Variants in PTGR2 observed in about 807,000 individuals in gnomAD.
PTGR2 encodes the protein 15-oxoprostaglandin 13-reductase.
PTGR2 carries 32 observed loss-of-function variants against 43.4 expected under a neutral mutation model. That is an observed-to-expected ratio of 0.74 (90% CI 0.56 to 0.99). The LOEUF (loss-of-function observed/expected upper bound fraction) is 0.99, where lower values mean the gene tolerates loss of function less well. PTGR2 is among the 50% of genes least tolerant of loss of function. The pLI is 0.00. For synonymous variants in PTGR2, 106 were observed against 139.2 expected (o/e 0.76, Z 1.68); for missense variants, 373 against 420.0 (o/e 0.89, Z 0.98).
intron 4 of PTGR2, 52 bp from the exon 5 acceptor site, chr14:73,876,946 G>A (rs2054879420): frequency 7.1e-7 from 1 of 1,400,050 alleles, no homozygotes; most frequent in Non-Finnish European, 9.9e-7. Context: ...CTACTTTGTT[G>A]TCTCAAAACA....
chr14:73,874,279 A>T (rs1002045481), intron 4 of PTGR2, 65 bp downstream of exon 4: 1 of 1,250,334 alleles, frequency 8.0e-7, no homozygotes, highest in Non-Finnish European at 1.1e-6. Flanking sequence ...TGCATTTGAT[A>T]TTCAGTTGTG....
chr14:73,880,485 G>T (rs1880231764), intron 7 of PTGR2, among the ~76,000 whole-genome samples: 1 of 150,128 alleles, frequency 6.7e-6, no homozygotes, highest in African/African-American at 2.5e-5. Context: ...TGAGGCAGGA[G>T]AATCACTTGA....
At chr14:73,862,597 C>T (rs1180371163) in intron 3 of PTGR2, among the ~76,000 whole-genome samples, 2 of 152,152 alleles carry the variant, frequency 1.3e-5, no homozygotes, top group Non-Finnish European at 2.9e-5. Context: ...TATTGATCTG[C>T]TGTCTAGGTA....
chr14:73,881,772 C>CTTTTTTTTTT (rs57377878), intron 8 of PTGR2, among the ~76,000 whole-genome samples: 18 of 69,264 alleles, frequency 2.6e-4, no homozygotes, highest in African/African-American at 1.2e-3. Flanking sequence ...CTAGGCTATT[C>CTTTTTTTTTT]TTTTTTTTTT....
chr14:73,878,906 AT>A (rs1023350086), intron 5 of PTGR2, 189 bp from the exon 6 acceptor site: 600 of 552,682 alleles, frequency 1.1e-3, no homozygotes, highest in Middle Eastern at 2.4e-3. Context: ...AATTTTAATA[AT>A]TTTTTTTTAG....
At position 73,880,597 on chromosome 14, in the gene PTGR2, A is replaced by AC. The variant is rs202069949; in HGVS notation, c.851+421_851+422insC. On this transcript the variant is annotated intron_variant, in intron 7 of 9. Coordinates refer to ENST00000555661, the MANE Select transcript of PTGR2 (RefSeq NM_001146154.2). The stretch of plus-strand genomic sequence containing the variant: ...TCCATCTCAAAAAAACAAAAAAAAA[A>AC]AAACAAAAAAAAACCTTTAAAATAC... Among the ~76,000 whole-genome samples, 658 of 131,880 alleles carry AC rather than the reference A, an allele frequency of 5.0e-3. 6 individuals are homozygous for AC. The highest frequency in any genetic ancestry group is 0.017 in the African/African-American group (636 of 37,652). The allele number at this position is 131,880 out of a possible 152,430, so 86.5% of individuals were successfully genotyped here.
chr14:73,858,540 G>A (rs938609351), intron 1 of PTGR2: 6 of 245,208 alleles, frequency 2.4e-5, no homozygotes, highest in East Asian at 9.4e-5. Context: ...GCAACAGAGC[G>A]AGACTCCGTC....
chr14:73,856,066 G>A (rs542763328), intron 1 of PTGR2, among the ~76,000 whole-genome samples: 1 of 150,480 alleles, frequency 6.6e-6, no homozygotes, highest in Admixed American at 6.6e-5. Context: ...AAAAAAAAAA[G>A]AAAGAAATTT....
intron 1 of PTGR2, among the ~76,000 whole-genome samples, chr14:73,855,566 T>C (rs2054326754): frequency 6.6e-6 from 1 of 151,682 alleles, no homozygotes; most frequent in Non-Finnish European, 1.5e-5. Flanking sequence ...CCTGCCTCAG[T>C]CTCTGAGTAG....
Position 73,874,078 on chromosome 14 carries a change from C to G in PTGR2, c.212C>G (p.Ser71Cys). The change falls in exon 4 of 10, where the codon TCT becomes TGT. Residue 71 changes from serine (S) to cysteine (C), a missense_variant. Coordinates refer to ENST00000555661, the MANE Select transcript of PTGR2 (RefSeq NM_001146154.2). ...GTDYITPWQL[S>C]QVVDGGGIGI... ...GATTATATAACACCTTGGCAGCTATCTCAAGTCGTTGATGGAGGAGGTATT... is the reference window on the plus strand; with the variant it reads ...GATTATATAACACCTTGGCAGCTATGTCAAGTCGTTGATGGAGGAGGTATT... 6.2e-7 allele frequency: 1 copy of G among 1,613,618 alleles called. No homozygotes were observed. The highest frequency in any genetic ancestry group is 8.5e-7 in the Non-Finnish European group (1 of 1,179,750).
At chr14:73,862,395 G>A (rs933584618) in intron 3 of PTGR2, among the ~76,000 whole-genome samples, 3 of 152,010 alleles carry the variant, frequency 2.0e-5, no homozygotes. Flanking sequence ...TTTTAGTAGA[G>A]ATGGGGTTTC....
At chr14:73,869,897 G>C (rs893206909) in intron 3 of PTGR2, among the ~76,000 whole-genome samples, 1 of 152,140 alleles carries the variant, frequency 6.6e-6, no homozygotes, top group African/African-American at 2.4e-5. Context: ...GTGGTGGCAT[G>C]TGCCTGTTAT....
rs1595377305 is a variant in PTGR2 at position 73,885,226 on chromosome 14, T to A, written c.*1049T>A. ...ATCATTTGAACCTGGGAGGGGGAGG[T>A]TGCCGTGAGCTGAGCTTGCACCATT... On this transcript the variant is annotated 3_prime_UTR_variant, in exon 10 of 10. Transcript: ENST00000555661. The A allele has an allele frequency of 6.6e-6, 1 of 152,046 alleles. No individual in the cohort carries two copies. Among genetic ancestry groups the A allele is most frequent in the East Asian group, 1.9e-4 (1 of 5,190 alleles). The allele number at this position is 152,046 out of a possible 1,614,324, so 9.4% of individuals were successfully genotyped here.
intron 7 of PTGR2, 104 bp downstream of exon 7, chr14:73,880,280 A>G: frequency 1.4e-6 from 2 of 1,427,252 alleles, no homozygotes; most frequent in Non-Finnish European, 2.0e-6. Context: ...TCTTTATTAA[A>G]TAAAACTTTA....
chr14:73,879,047 T>G, intron 5 of PTGR2, 49 bp from the exon 6 acceptor site: 5 of 1,474,202 alleles, frequency 3.4e-6, no homozygotes, highest in Non-Finnish European at 4.7e-6. Flanking sequence ...CATTTTTACA[T>G]TTAAATGTGA....
chr14:73,875,415 G>A (rs1462701729), intron 4 of PTGR2, among the ~76,000 whole-genome samples: 4 of 151,924 alleles, frequency 2.6e-5, no homozygotes, highest in African/African-American at 4.8e-5. Context: ...GCGCGATCTC[G>A]GCTCACTTCA....
At position 73,855,326 on chromosome 14, in the gene PTGR2, T is replaced by C. The variant is rs192447702; in HGVS notation, c.-48+3383T>C. 4.6e-5 allele frequency among the ~76,000 whole-genome samples: 7 copies of C among 152,330 alleles called. No homozygotes were observed. In the East Asian group the frequency reaches 1.3e-3, roughly 29 times the overall value. Reference sequence around the variant, plus strand: ...ATGGCTGGGTTATAGTCATTTGCCATATAATGACGGTTCAGACAATGACAG... The same window carrying C: ...ATGGCTGGGTTATAGTCATTTGCCACATAATGACGGTTCAGACAATGACAG... On this transcript the variant is annotated intron_variant, in intron 1 of 9. Coordinates refer to ENST00000555661, the MANE Select transcript of PTGR2 (RefSeq NM_001146154.2).
At position 73,860,671 on chromosome 14, in the gene PTGR2, T is replaced by A. The variant is rs1284148814; in HGVS notation, c.156+14T>A. Reference sequence around the variant, plus strand: ...GATCCTTACATGGTAAGAATCAGGATGTTGTAACTTGGTGAAAAATAACTT... The same window carrying A: ...GATCCTTACATGGTAAGAATCAGGAAGTTGTAACTTGGTGAAAAATAACTT... On this transcript the variant is annotated intron_variant, in intron 3 of 9. Transcript: ENST00000555661. 2 of 1,139,836 alleles carry A rather than the reference T, an allele frequency of 1.8e-6. No individual in the cohort carries two copies. Among genetic ancestry groups the A allele is most frequent in the South Asian group, 2.7e-5 (2 of 73,998 alleles). 70.6% of individuals were successfully genotyped at this position (1,139,836 alleles called of 1,614,324 possible). A position where few individuals can be genotyped will look rare whatever the true frequency, so the allele number is the denominator to read the frequency against.
chr14:73,859,787 A>G (rs562177957), intron 2 of PTGR2, among the ~76,000 whole-genome samples: 1 of 150,190 alleles, frequency 6.7e-6, no homozygotes, highest in African/African-American at 2.4e-5. Context: ...TTGTCTCTAA[A>G]AAAAAAAAAG....
Sources: allele counts gnomAD v4.1 joint callset (sites outside exome capture counted in the v4.1 genomes callset), GRCh38; gene constraint gnomAD v4.1.1; transcripts MANE v1.5; gene names NCBI Gene and HGNC (gene_info 2026-07-23, HGNC 2026-07-21).